Variants in CREB5 observed in about 807,000 individuals in gnomAD.
CREB5 encodes the protein cAMP responsive element binding protein 5.
A neutral mutation model predicts 57.1 loss-of-function variants in CREB5; 19 were observed. That is an observed-to-expected ratio of 0.33 (90% CI 0.23 to 0.49). The LOEUF is 0.49. Ranked by LOEUF, CREB5 falls within the 20% of genes least tolerant of loss-of-function variation. The pLI is 0.99. For missense variants in CREB5, 579 were observed against 671.6 expected (o/e 0.86, Z 1.52); for synonymous variants, 238 against 238.3 (o/e 1.00, Z 0.01).
chr7:28,490,943 C>T (rs879275050), intron 2 of CREB5, among the ~76,000 whole-genome samples: 9 of 152,328 alleles, frequency 5.9e-5, no homozygotes, highest in Admixed American at 4.6e-4. Flanking sequence ...ATGCCACAGA[C>T]GTGTGGTCAC....
chr7:28,453,953 C>T (rs895731916), intron 1 of CREB5, among the ~76,000 whole-genome samples: 8 of 97,966 alleles, frequency 8.2e-5, no homozygotes, highest in African/African-American at 2.6e-4. Flanking sequence ...GACTCCTCTC[C>T]AATTCTTTTT....
intron 7 of CREB5, among the ~76,000 whole-genome samples, chr7:28,796,440 A>G (rs1583765117): frequency 6.6e-6 from 1 of 151,640 alleles, no homozygotes; most frequent in African/African-American, 2.4e-5. Context: ...CTTCACCCCT[A>G]CCCACCCACT....
chr7:28,351,785 G>T (rs1786191689), intron 1 of CREB5, among the ~76,000 whole-genome samples: 1 of 151,914 alleles, frequency 6.6e-6, no homozygotes, highest in South Asian at 2.1e-4. Context: ...AAAAATCCTT[G>T]TTAATTAGGT....
At chr7:28,303,142 C>CAAAAA (rs36054051) in intron 1 of CREB5, among the ~76,000 whole-genome samples, 1 of 129,890 alleles carries the variant, frequency 7.7e-6, no homozygotes, top group African/African-American at 3.0e-5. Flanking sequence ...AACTCCATCT[C>CAAAAA]AAAAAAAAAA....
In CREB5 at chr7:28,419,410, G is replaced by A. The variant is rs558962690; in HGVS notation, c.3+6493G>A. 6.6e-5 allele frequency among the ~76,000 whole-genome samples: 10 copies of A among 152,326 alleles called. No homozygotes were observed. The East Asian group carries it at 9.6e-4, about 15-fold the overall frequency. ...TGTTTTCTCCTAACAATGGTGATAC[G>A]TTGGCTTGGCCATTTGCAGTCTCTG... On this transcript the variant is annotated intron_variant, in intron 1 of 10. Transcript: ENST00000357727.
chr7:28,723,116 T>G (rs1803132834), intron 6 of CREB5, among the ~76,000 whole-genome samples: 1 of 152,218 alleles, frequency 6.6e-6, no homozygotes, highest in African/African-American at 2.4e-5. Context: ...AAACCTGGTT[T>G]CTTAAAATTT....
intron 5 of CREB5, among the ~76,000 whole-genome samples, chr7:28,598,881 C>A (rs1796800829): frequency 6.6e-6 from 1 of 152,116 alleles, no homozygotes; most frequent in African/African-American, 2.4e-5. Context: ...TTTTAAAAAG[C>A]TTTCATTTTT....
At chr7:28,733,880 CT>C (rs1414434652) in intron 7 of CREB5, among the ~76,000 whole-genome samples, 3 of 152,180 alleles carry the variant, frequency 2.0e-5, no homozygotes, top group Admixed American at 6.5e-5. Context: ...CTGTGAGCTA[CT>C]TTTTAAGTTC....
chr7:28,486,670 T>TTATATATATATATATATATATA (rs139222705), intron 1 of CREB5, among the ~76,000 whole-genome samples: 949 of 88,850 alleles, frequency 0.011, 80 homozygotes, highest in Middle Eastern at 0.019. Context: ...TCCTATGATT[T>TTATATATATATATATATATATA]TATATATATA....
At chr7:28,491,211 A>G in intron 2 of CREB5, 1 of 985,474 alleles carries the variant, frequency 1.0e-6, no homozygotes, top group African/African-American at 1.7e-5. Flanking sequence ...TAAAAATTAA[A>G]GGATAGCCGA....
At chr7:28,798,713 C>T (rs1388957110) in intron 7 of CREB5, among the ~76,000 whole-genome samples, 1 of 152,186 alleles carries the variant, frequency 6.6e-6, no homozygotes, top group Non-Finnish European at 1.5e-5. Flanking sequence ...GCCGCCTCCC[C>T]TAATTTTCTC....
intron 5 of CREB5, among the ~76,000 whole-genome samples, chr7:28,646,342 G>T (rs569170809): frequency 1.3e-5 from 2 of 152,172 alleles, no homozygotes; most frequent in East Asian, 3.9e-4. Flanking sequence ...GTAGTCTAGT[G>T]GTTAGGGGGA....
intron 7 of CREB5, among the ~76,000 whole-genome samples, chr7:28,756,936 G>A (rs953037610): frequency 3.9e-5 from 6 of 152,114 alleles, no homozygotes; most frequent in East Asian, 1.9e-4. Flanking sequence ...TGGTTCAGGC[G>A]CTCACATTTC....
chr7:28,397,172 A>AG (rs1787355169), intron 1 of CREB5, among the ~76,000 whole-genome samples: 1 of 152,212 alleles, frequency 6.6e-6, no homozygotes, highest in African/African-American at 2.4e-5. Context: ...TTGAAAAAAA[A>AG]GAAGTCCAGA....
At chr7:28,779,898 TTTGA>T (rs766467153) in intron 7 of CREB5, among the ~76,000 whole-genome samples, 6 of 152,176 alleles carry the variant, frequency 3.9e-5, no homozygotes, top group Non-Finnish European at 7.3e-5. Flanking sequence ...CTTATGCCAC[TTTGA>T]TTGTTAAGCT....
At chr7:28,409,196 C>A (rs906558997), upstream of CREB5, 1 of 151,254 alleles carries the variant, frequency 6.6e-6, no homozygotes, top group African/African-American at 2.4e-5. The surrounding 1 kb of genome is among the most constrained non-coding windows in gnomAD (Gnocchi z 4.4). Flanking sequence ...GCGGGCGGGG[C>A]GGGGTCGGGG....
chr7:28,427,082 C>T (rs1484419447), intron 1 of CREB5, among the ~76,000 whole-genome samples: 1 of 152,128 alleles, frequency 6.6e-6, no homozygotes, highest in African/African-American at 2.4e-5. Flanking sequence ...TGCTAAAAGA[C>T]AACTGTCATA....
intron 1 of CREB5, among the ~76,000 whole-genome samples, chr7:28,323,878 G>A (rs1284968563): frequency 6.6e-6 from 1 of 152,186 alleles, no homozygotes; most frequent in Non-Finnish European, 1.5e-5. Context: ...GGTCCCATCT[G>A]GGAGTGATGG....
At chr7:28,613,602 T>G (rs538194136) in intron 5 of CREB5, among the ~76,000 whole-genome samples, 17 of 152,238 alleles carry the variant, frequency 1.1e-4, no homozygotes, top group Non-Finnish European at 2.5e-4. Flanking sequence ...CTACTCCTTC[T>G]GCTTTGATTT....
Sources: allele counts gnomAD v4.1 joint callset (sites outside exome capture counted in the v4.1 genomes callset), GRCh38; gene constraint gnomAD v4.1.1; non-coding constraint Gnocchi (gnomAD v3.1); transcripts MANE v1.5; gene names NCBI Gene and HGNC (gene_info 2026-07-23, HGNC 2026-07-21).